Variants in PIWIL3 observed in about 807,000 individuals in gnomAD.
The protein encoded by PIWIL3 is piwi like RNA-mediated gene silencing 3.
Under a neutral mutation model 109.7 loss-of-function variants are expected in PIWIL3, and 101 were observed. The ratio of observed to expected loss-of-function variants is 0.92; its 90% confidence interval spans 0.78 to 1.09. PIWIL3 has a LOEUF of 1.09. PIWIL3 is among the 50% of genes least tolerant of loss of function. The pLI, the probability that PIWIL3 is intolerant of heterozygous loss-of-function variation, is 0.00. For missense variants in PIWIL3, 1,031 were observed against 1,072.6 expected (o/e 0.96, Z 0.54); for synonymous variants, 373 against 376.4 (o/e 0.99, Z 0.10).
rs1448382318 is a variant in PIWIL3 at position 24,724,930 on chromosome 22, C to T, written c.2188G>A (p.Ala730Thr). ...GQLQALLDHEAKKMSTYLKTI... is the reference protein window; with the variant it reads ...GQLQALLDHETKKMSTYLKTI... Reference sequence around the variant, plus strand: ...TTTAAGTAGGTCGACATCTTTTTCGCTTCATGGTCAAGCAATGCTTGAAGC... The same window carrying T: ...TTTAAGTAGGTCGACATCTTTTTCGTTTCATGGTCAAGCAATGCTTGAAGC... The change falls in exon 18 of 21, where the codon GCG becomes ACG. Residue 730 changes from alanine to threonine, a missense_variant. Physicochemically the swap from Ala to Thr is moderately conservative, Grantham distance 58 (BLOSUM62 0). Transcript: ENST00000616349. The T allele has an allele frequency of 9.3e-6, 15 of 1,614,016 alleles. No individual in the cohort carries two copies. Among genetic ancestry groups the T allele is most frequent in the Non-Finnish European group, 1.2e-5 (14 of 1,180,032 alleles).
At chr22:24,760,803 A>AAAAAAAAAAAAAAAAAAAT (rs1925389502) in intron 2 of PIWIL3, among the ~76,000 whole-genome samples, 1 of 146,870 alleles carries the variant, frequency 6.8e-6, no homozygotes, top group South Asian at 2.3e-4. Context: ...AAAAAAAAAA[A>AAAAAAAAAAAAAAAAAAAT]GCTGTGACAG....
intron 3 of PIWIL3, 78 bp downstream of exon 3, chr22:24,759,791 T>A: frequency 6.2e-7 from 1 of 1,600,796 alleles, no homozygotes; most frequent in Non-Finnish European, 8.5e-7. Context: ...TGAGGCTATC[T>A]AGAACCTTCT....
intron 8 of PIWIL3, among the ~76,000 whole-genome samples, chr22:24,753,280 T>C (rs1034474311): frequency 6.6e-6 from 1 of 152,250 alleles, no homozygotes; most frequent in African/African-American, 2.4e-5. Flanking sequence ...TTTTAGTTCT[T>C]ACATCTAGGT....
intron 9 of PIWIL3, among the ~76,000 whole-genome samples, chr22:24,750,089 T>C (rs1924613178): frequency 6.6e-6 from 1 of 152,192 alleles, no homozygotes; most frequent in African/African-American, 2.4e-5. Flanking sequence ...TCTAACATTG[T>C]ATATGAGAAT....
chr22:24,749,717 T>TCA lies in PIWIL3; in HGVS notation c.1190_1191dup (p.Ile398Ter). ...CCTGTCATGTGGCACAGCTGAGGAA[T>TCA]CAGCAGGATAGGTTCACGTTGTGTA... On this transcript the variant is annotated frameshift_variant, in exon 10 of 21. Coordinates refer to ENST00000616349, the MANE Select transcript of PIWIL3 (RefSeq NM_001255975.1). LOFTEE classifies it high-confidence loss of function. The TCA allele has an allele frequency of 6.2e-7, 1 of 1,614,066 alleles. No homozygotes were observed. Among genetic ancestry groups the TCA allele is most frequent in the Non-Finnish European group, 8.5e-7 (1 of 1,179,994 alleles).
Position 24,742,983 on chromosome 22 carries a change from A to T in PIWIL3, c.1449+5924T>A, listed in dbSNP as rs187840599. ...ACAGAATGGGAGAAAATATTCCCAA[A>T]CTATGCATATGATGAAGGACTGATA... On this transcript the variant is annotated intron_variant, in intron 12 of 20. Coordinates refer to ENST00000616349, the MANE Select transcript of PIWIL3 (RefSeq NM_001255975.1). Among the ~76,000 whole-genome samples, 4 of 152,338 alleles carry T rather than the reference A, an allele frequency of 2.6e-5. No homozygotes were observed. The East Asian group carries it at 7.7e-4, about 29-fold the overall frequency.
intron 1 of PIWIL3, among the ~76,000 whole-genome samples, chr22:24,764,890 GGAACAGTGT>G (rs773198535): frequency 5.3e-5 from 8 of 152,114 alleles, no homozygotes; most frequent in African/African-American, 7.2e-5. Flanking sequence ...TCTGTGAAAA[GGAACAGTGT>G]GGTTTGGGAG....
At chr22:24,744,311 G>T (rs1924223268) in intron 12 of PIWIL3, among the ~76,000 whole-genome samples, 1 of 151,752 alleles carries the variant, frequency 6.6e-6, no homozygotes, top group African/African-American at 2.4e-5. Context: ...GGTGGCTCAT[G>T]CCTGTAATCC....
chr22:24,721,198 C>G (rs528665473), intron 19 of PIWIL3, among the ~76,000 whole-genome samples: 1 of 152,152 alleles, frequency 6.6e-6, no homozygotes, highest in African/African-American at 2.4e-5. Flanking sequence ...AGCCGGGTAT[C>G]AAATTCTAGC....
At chr22:24,721,428 A>G (rs1042916035) in intron 19 of PIWIL3, among the ~76,000 whole-genome samples, 5 of 152,076 alleles carry the variant, frequency 3.3e-5, no homozygotes, top group African/African-American at 1.2e-4. Context: ...AGAATCTCAG[A>G]CTTTCTCTTT....
chr22:24,764,499 G>A (rs578129534), intron 1 of PIWIL3, among the ~76,000 whole-genome samples: 2 of 152,304 alleles, frequency 1.3e-5, no homozygotes, highest in African/African-American at 4.8e-5. Flanking sequence ...ATCTCTAGAG[G>A]TGGATCCGCT....
At chr22:24,745,734 AAAAAG>A (rs1924322606) in intron 12 of PIWIL3, among the ~76,000 whole-genome samples, 2 of 151,200 alleles carry the variant, frequency 1.3e-5, no homozygotes, top group African/African-American at 4.8e-5. Flanking sequence ...AAAAAAAAAA[AAAAAG>A]AAGATCCAAA....
chr22:24,755,963 T>C, intron 5 of PIWIL3, 58 bp from the exon 6 acceptor site: 1 of 1,563,242 alleles, frequency 6.4e-7, no homozygotes, highest in African/African-American at 1.4e-5. Context: ...AAACTAAACT[T>C]CATTGCACGG....
At chr22:24,749,871 TCACACA>T (rs1018011619) in intron 9 of PIWIL3, 52 bp from the exon 10 acceptor site, 3 of 1,613,452 alleles carry the variant, frequency 1.9e-6, no homozygotes, top group African/African-American at 2.7e-5. Flanking sequence ...CTTAGAAACA[TCACACA>T]CAGAGGTTCA....
chr22:24,743,990 C>T (rs1924161986), intron 12 of PIWIL3, among the ~76,000 whole-genome samples: 1 of 151,072 alleles, frequency 6.6e-6, no homozygotes, highest in Non-Finnish European at 1.5e-5. Flanking sequence ...GCAATGGATA[C>T]ACAAAACAAA....
intron 1 of PIWIL3, among the ~76,000 whole-genome samples, chr22:24,764,189 C>T (rs1157120140): frequency 6.6e-6 from 1 of 152,384 alleles, no homozygotes; most frequent in East Asian, 1.9e-4. Flanking sequence ...GCGCCGCCTC[C>T]GTCCGGCCGA....
chr22:24,720,503 C>A (rs2147640818), intron 19 of PIWIL3, among the ~76,000 whole-genome samples: 1 of 152,142 alleles, frequency 6.6e-6, no homozygotes, highest in South Asian at 2.1e-4. Flanking sequence ...AATCTCCTGA[C>A]CTCATGATCT....
chr22:24,729,405 C>T (rs1411478468), intron 14 of PIWIL3, among the ~76,000 whole-genome samples: 1 of 152,130 alleles, frequency 6.6e-6, no homozygotes, highest in African/African-American at 2.4e-5. Flanking sequence ...GTATAGGGCA[C>T]TTGCCGAGTG....
chr22:24,755,132 CT>C (rs1387220780), intron 6 of PIWIL3, among the ~76,000 whole-genome samples: 1 of 152,046 alleles, frequency 6.6e-6, no homozygotes, highest in Non-Finnish European at 1.5e-5. Context: ...TTCAAACTGT[CT>C]TTTTTTGGAG....
Sources: gnomAD v4.1 joint callset for allele counts (sites outside exome capture counted in the v4.1 genomes callset) on GRCh38, gnomAD v4.1.1 for gene constraint, MANE v1.5 for transcripts, NCBI Gene and HGNC (gene_info 2026-07-23, HGNC 2026-07-21) for gene names.